Variants in RBPMS2 observed in about 807,000 individuals in gnomAD.
RBPMS2 encodes RNA binding protein, mRNA processing factor 2.
In RBPMS2, 14 loss-of-function variants were observed where a neutral mutation model predicts 25.7. The ratio of observed to expected loss-of-function variants is 0.55; its 90% CI spans 0.36 to 0.85. The LOEUF is 0.85. Ranked by LOEUF, RBPMS2 falls within the 40% of genes least tolerant of loss-of-function variation. The probability of loss-of-function intolerance (pLI) is 0.01; values close to 1 mark genes in which losing one functional copy is unlikely to be tolerated. For synonymous variants in RBPMS2, 127 were observed against 115.6 expected, an observed-to-expected ratio of 1.10 and a Z score of -0.63; for missense variants, 252 against 283.4, an observed-to-expected ratio of 0.89 and a Z score of 0.80.
At chr15:64,768,407 G>A (rs1470955788) in intron 1 of RBPMS2, among the ~76,000 whole-genome samples, 1 of 152,210 alleles carries the variant, frequency 6.6e-6, no homozygotes, top group Non-Finnish European at 1.5e-5. Context: ...AGGAGGCCAA[G>A]ACAGACGGAT....
intron 1 of RBPMS2, among the ~76,000 whole-genome samples, chr15:64,763,721 C>A (rs911049599): frequency 6.6e-6 from 1 of 151,440 alleles, no homozygotes; most frequent in South Asian, 2.1e-4. Flanking sequence ...AGTGGCAGAG[C>A]TGAGGCTTAA....
At chr15:64,753,670 G>A (rs879086306) in intron 1 of RBPMS2, among the ~76,000 whole-genome samples, 2 of 152,092 alleles carry the variant, frequency 1.3e-5, no homozygotes, top group African/African-American at 4.8e-5. Flanking sequence ...ATCTCGGGCC[G>A]CTTGGGACGC....
At chr15:64,755,537 G>C (rs919672356) in intron 1 of RBPMS2, among the ~76,000 whole-genome samples, 10 of 152,172 alleles carry the variant, frequency 6.6e-5, no homozygotes, top group Non-Finnish European at 1.3e-4. Context: ...ACACAGCTGA[G>C]TTCACGGAGG....
chr15:64,755,072 G>C (rs2083720350), intron 1 of RBPMS2, among the ~76,000 whole-genome samples: 1 of 152,250 alleles, frequency 6.6e-6, no homozygotes, highest in African/African-American at 2.4e-5. Context: ...GCTCCTTTCT[G>C]GCCAGACCTC....
chr15:64,758,230 C>A (rs555207373), intron 1 of RBPMS2, among the ~76,000 whole-genome samples: 2 of 152,320 alleles, frequency 1.3e-5, no homozygotes, highest in African/African-American at 4.8e-5. Context: ...ACTCTCATCC[C>A]TTCTGCAGAA....
chr15:64,775,243 A>G lies in RBPMS2; in HGVS notation c.77T>C (p.Leu26Pro). 7.7e-7 allele frequency: 1 copy of G among 1,299,622 alleles called. No homozygotes were observed. The highest frequency in any genetic ancestry group is 2.0e-5 in the South Asian group (1 of 49,208). The allele number at this position is 1,299,622 out of a possible 1,614,324, so 80.5% of individuals were successfully genotyped here. The stretch of plus-strand genomic sequence containing the variant: ...GGGCCACAGACCCACCTCCTCCTCC[A>G]GGGCGCCGCCGGAGCCCGCGCCGGA... Reference protein sequence around the residue: ...TGSGAGSGGALEEEVRTLFVS... With the variant: ...TGSGAGSGGAPEEEVRTLFVS... Residue 26 changes from leucine (L) to proline (P), a missense_variant, in exon 1 of 8, where the codon CTG (leucine) becomes CCG (proline). Physicochemically the swap from Leu to Pro is moderately conservative, Grantham distance 98. Transcript: ENST00000300069.
At chr15:64,762,104 C>T (rs956437764) in intron 1 of RBPMS2, among the ~76,000 whole-genome samples, 1 of 152,160 alleles carries the variant, frequency 6.6e-6, no homozygotes, top group African/African-American at 2.4e-5. Flanking sequence ...CTCCTGCAAT[C>T]CCAAAGTGAC....
chr15:64,750,056 C>CAA (rs748378695), intron 3 of RBPMS2, among the ~76,000 whole-genome samples: 9 of 138,414 alleles, frequency 6.5e-5, no homozygotes, highest in East Asian at 6.2e-4. Flanking sequence ...AACTCCATCT[C>CAA]AAAAAAAAAA....
chr15:64,775,475 G>C lies in RBPMS2; in HGVS notation c.-156C>G, dbSNP rs2141084575. The C allele has an allele frequency of 4.5e-6, 1 of 219,800 alleles. No individual in the cohort carries two copies. The highest frequency in any genetic ancestry group is 2.4e-5 in the African/African-American group (1 of 41,874). 13.6% of individuals were successfully genotyped at this position (219,800 alleles called of 1,614,324 possible). A position where few individuals can be genotyped will look rare whatever the true frequency, so the allele number is the denominator to read the frequency against. ...GTGAGAGGGGCAGCCTCCGCGTCGG[G>C]CCAGGGTCACATCAAGTTTGGCGGG... On this transcript the variant is annotated 5_prime_UTR_variant, in exon 1 of 8. Coordinates refer to ENST00000300069, the MANE Select transcript of RBPMS2 (RefSeq NM_194272.3).
chr15:64,762,502 C>T (rs754552429), intron 1 of RBPMS2: 11 of 534,666 alleles, frequency 2.1e-5, no homozygotes. Context: ...TCATCGCACC[C>T]AGATCTGATC....
intron 1 of RBPMS2, among the ~76,000 whole-genome samples, chr15:64,759,264 G>A (rs2083760189): frequency 6.6e-6 from 1 of 152,176 alleles, no homozygotes; most frequent in East Asian, 1.9e-4. Flanking sequence ...CTGGAATGGG[G>A]AATCCCCTCC....
chr15:64,744,570 A>AG (rs1161799433), intron 6 of RBPMS2, among the ~76,000 whole-genome samples: 27 of 135,610 alleles, frequency 2.0e-4, no homozygotes, highest in Non-Finnish European at 2.5e-4. Context: ...AAAAAAAAAA[A>AG]AAAGAAAGAA....
chr15:64,740,877 G>T lies in RBPMS2; in HGVS notation c.*131C>A. The T allele has an allele frequency of 3.3e-6, 1 of 299,678 alleles. No individual in the cohort carries two copies. 18.6% of individuals were successfully genotyped at this position (299,678 alleles called of 1,614,324 possible). A position where few individuals can be genotyped will look rare whatever the true frequency, so the allele number is the denominator to read the frequency against. On this transcript the variant is annotated 3_prime_UTR_variant, in exon 8 of 8. Transcript: ENST00000300069. Reference sequence around the variant, plus strand: ...AACAGGAAGCAGTCCACTGAGTCAGGCTTGGGATTCACAGTCTCTGGAGGG... The same window carrying T: ...AACAGGAAGCAGTCCACTGAGTCAGTCTTGGGATTCACAGTCTCTGGAGGG...
chr15:64,753,435 G>A (rs1455168881), intron 1 of RBPMS2, among the ~76,000 whole-genome samples: 1 of 152,126 alleles, frequency 6.6e-6, no homozygotes, highest in East Asian at 1.9e-4. Context: ...GGAAGCTGGA[G>A]CAATGTTAGG....
chr15:64,749,123 G>C lies in RBPMS2; in HGVS notation c.295C>G (p.Gln99Glu), dbSNP rs766653294. 2 of 1,614,186 alleles carry C rather than the reference G, an allele frequency of 1.2e-6. No individual in the cohort carries two copies. Among genetic ancestry groups the C allele is most frequent in the Non-Finnish European group, 1.7e-6 (2 of 1,180,012 alleles). The change falls in exon 5 of 8, where the codon CAG (glutamine) becomes GAG (glutamate). Residue 99 changes from glutamine (Q) to glutamate (E), a missense_variant. Transcript: ENST00000300069. Reference sequence around the variant, plus strand: ...TTGGCAAACTCTAGCCTCAGAGTCTGTGGATTTTCGGGATCAAAGCGAATA... The same window carrying C: ...TTGGCAAACTCTAGCCTCAGAGTCTCTGGATTTTCGGGATCAAAGCGAATA... ...NGIRFDPENP[Q>E]TLRLEFAKAN...
intron 1 of RBPMS2, among the ~76,000 whole-genome samples, chr15:64,774,233 T>C (rs1567073053): frequency 6.6e-6 from 1 of 152,146 alleles, no homozygotes. Context: ...CAGCCCTTGG[T>C]TTCCTGGGCG....
intron 2 of RBPMS2, 121 bp from the exon 3 acceptor site, chr15:64,750,502 A>G: frequency 1.2e-6 from 1 of 853,174 alleles, no homozygotes; most frequent in Non-Finnish European, 2.0e-6. Flanking sequence ...CTCCCTGTCA[A>G]CATCAACCCA....
chr15:64,743,506 G>A (rs1284110300), intron 6 of RBPMS2, among the ~76,000 whole-genome samples: 1 of 152,252 alleles, frequency 6.6e-6, no homozygotes, highest in Non-Finnish European at 1.5e-5. Flanking sequence ...TAGGCCAGTG[G>A]CCTGGGTCCT....
In RBPMS2 at chr15:64,744,798, G is replaced by GTTTTTTTTTTTTTTT. The variant is rs748967917; in HGVS notation, c.568-3571_568-3557dup. 4.5e-4 allele frequency among the ~76,000 whole-genome samples: 21 copies of GTTTTTTTTTTTTTTT among 46,298 alleles called. 2 individuals carry two copies. The highest frequency in any genetic ancestry group is 1.5e-3 in the African/African-American group (20 of 13,590). 30.4% of individuals were successfully genotyped at this position (46,298 alleles called of 152,430 possible). On this transcript the variant is annotated intron_variant, in intron 6 of 7. Transcript: ENST00000300069. ...TATTTAAGTTTTTTTGGTTTGTTTT[G>GTTTTTTTTTTTTTTT]TTTTTTTTTTTTTTTTTTTTTTTTT...
Sources: allele counts gnomAD v4.1 joint callset (sites outside exome capture counted in the v4.1 genomes callset), GRCh38; gene constraint gnomAD v4.1.1; transcripts MANE v1.5; gene names NCBI Gene and HGNC (gene_info 2026-07-23, HGNC 2026-07-21).